The following HSPA12A variants were observed in gnomAD, a reference collection of about 807,000 sequenced individuals.
HSPA12A encodes heat shock 70 kDa protein 12A.
A neutral mutation model predicts 69.2 loss-of-function variants in HSPA12A; 28 were observed. That is an observed-to-expected ratio of 0.40 (90% confidence interval 0.30 to 0.55). The LOEUF (loss-of-function observed/expected upper bound fraction) is 0.55. HSPA12A is among the 20% of genes least tolerant of loss of function. The pLI is 0.38. For missense variants in HSPA12A, 686 were observed against 900.7 expected (o/e 0.76, Z 3.05); for synonymous variants, 345 against 370.5 (o/e 0.93, Z 0.79).
In HSPA12A at chr10:116,717,534, A is replaced by AGTC. The variant is rs376597882; in HGVS notation, c.41-10252_41-10250dup. Among the ~76,000 whole-genome samples, 488 of 152,282 alleles carry AGTC rather than the reference A, an allele frequency of 3.2e-3. 1 individual carries two copies. The highest frequency in any genetic ancestry group is 0.011 in the African/African-American group (465 of 41,554). ...AGAGATGTTAGAGGTACTAGTTCAA[A>AGTC]GTCGGGAAAGCCTGAGCTCAAATCC... On this transcript the variant is annotated intron_variant, in intron 1 of 11. Transcript: ENST00000369209.
At chr10:116,814,454 G>A (rs1435256174) in intron 2 of HSPA12A, among the ~76,000 whole-genome samples, 2 of 152,182 alleles carry the variant, frequency 1.3e-5, no homozygotes, top group Non-Finnish European at 2.9e-5. Flanking sequence ...AGCCACATCT[G>A]CTACCTACAC....
At chr10:116,748,994 T>G (rs1221420582) in intron 2 of HSPA12A, among the ~76,000 whole-genome samples, 1 of 152,086 alleles carries the variant, frequency 6.6e-6, no homozygotes, top group Non-Finnish European at 1.5e-5. Flanking sequence ...CTCCTCTCCC[T>G]TCCTCACCCC....
chr10:116,775,305 G>A (rs1251845617), intron 2 of HSPA12A, among the ~76,000 whole-genome samples: 2 of 152,194 alleles, frequency 1.3e-5, no homozygotes, highest in Non-Finnish European at 2.9e-5. Flanking sequence ...GGGCCACATA[G>A]CCAGTGAGAC....
At chr10:116,683,047 G>A (rs1443264306) in intron 7 of HSPA12A, among the ~76,000 whole-genome samples, 2 of 151,660 alleles carry the variant, frequency 1.3e-5, no homozygotes, top group African/African-American at 4.9e-5. Context: ...TTAGACCTTA[G>A]GCCCTCGTGC....
intron 2 of HSPA12A, among the ~76,000 whole-genome samples, chr10:116,782,392 C>A (rs1161125747): frequency 6.6e-6 from 1 of 152,158 alleles, no homozygotes; most frequent in South Asian, 2.1e-4. Flanking sequence ...CCCAAGCCTG[C>A]GTATATGACA....
At position 116,723,546 on chromosome 10, in the gene HSPA12A, A is replaced by G. The variant is rs1554884666; in HGVS notation, c.41-16261T>C. Among the ~76,000 whole-genome samples, 1 of 152,154 alleles carries G rather than the reference A, an allele frequency of 6.6e-6. No homozygotes were observed. Among genetic ancestry groups the G allele is most frequent in the Non-Finnish European group, 1.5e-5 (1 of 68,014 alleles). ...TCCACAAGTACGTACCAGGCTAACA[A>G]CTGTCTCTCTCACAGGGCTGCTGTG... On this transcript the variant is annotated intron_variant, in intron 1 of 11. Transcript: ENST00000369209. This position sits in a 1 kb window ranked among gnomAD's most constrained non-coding sequence, Gnocchi z 4.1.
intron 1 of HSPA12A, among the ~76,000 whole-genome samples, chr10:116,732,279 A>C (rs1851175772): frequency 6.7e-6 from 1 of 149,516 alleles, no homozygotes; most frequent in South Asian, 2.1e-4. Flanking sequence ...GCAGTGAGCC[A>C]AGATCACCCT....
In HSPA12A at chr10:116,791,923, T is replaced by C. The variant is rs1416516987; in HGVS notation, c.91+43012A>G. Among the ~76,000 whole-genome samples the C allele has an allele frequency of 2.0e-5, 3 of 152,206 alleles. No homozygotes were observed. In the East Asian group the frequency reaches 5.8e-4, roughly 29 times the overall value. ...CAAAGTTCCAAGCTTATCGATTAGC[T>C]GGGCAAAAAGATGCCAATTCATCCT... On this transcript the variant is annotated intron_variant, in intron 2 of 12. Transcript: ENST00000635765.
intron 1 of HSPA12A, among the ~76,000 whole-genome samples, chr10:116,841,028 G>GCA (rs566859956): frequency 2.6e-5 from 4 of 151,764 alleles, no homozygotes; most frequent in African/African-American, 9.7e-5. Context: ...GTATCTCTAG[G>GCA]CACACACACA....
Position 116,676,427 on chromosome 10 carries a change from C to T in HSPA12A, c.1362G>A (p.Pro454=), listed in dbSNP as rs782557265. The T allele has an allele frequency of 1.1e-5, 18 of 1,613,912 alleles. No homozygotes were observed. Among genetic ancestry groups the T allele is most frequent in the Admixed American group, 8.3e-5 (5 of 60,020 alleles). ...GATGCTCAATGATGCTATCGATGGT[C>T]GGCTTAAAAAGGGCGTTCATGGCAT... is the stretch of plus-strand genomic sequence containing the variant. ...SPDAMNALFK[P]TIDSIIEHLR... Residue 454 remains proline (P), a synonymous_variant, in exon 11 of 12, where the codon CCG becomes CCA. Coordinates refer to ENST00000369209, the MANE Select transcript of HSPA12A (RefSeq NM_025015.3).
chr10:116,778,470 C>T (rs1188723238), intron 2 of HSPA12A, among the ~76,000 whole-genome samples: 1 of 152,166 alleles, frequency 6.6e-6, no homozygotes, highest in Non-Finnish European at 1.5e-5. Flanking sequence ...GGGCTGTGGT[C>T]CCTCCCTCAG....
chr10:116,793,859 A>G (rs1301856763), intron 2 of HSPA12A, among the ~76,000 whole-genome samples: 2 of 152,104 alleles, frequency 1.3e-5, no homozygotes, highest in African/African-American at 2.4e-5. Context: ...AAAGCATAAA[A>G]TGAGATGGCA....
At chr10:116,802,700 C>G (rs1364283432) in intron 2 of HSPA12A, among the ~76,000 whole-genome samples, 1 of 152,174 alleles carries the variant, frequency 6.6e-6, no homozygotes, top group Non-Finnish European at 1.5e-5. Flanking sequence ...GCAGCTTATC[C>G]CAGAAGGCCA....
At chr10:116,687,995 AT>A (rs538857128) in intron 6 of HSPA12A, among the ~76,000 whole-genome samples, 42 of 149,392 alleles carry the variant, frequency 2.8e-4, no homozygotes, top group African/African-American at 7.8e-4. Flanking sequence ...TTTTTTTGCG[AT>A]TTTTTTTTTA....
intron 2 of HSPA12A, among the ~76,000 whole-genome samples, chr10:116,773,680 T>A (rs1469193736): frequency 1.3e-5 from 2 of 152,282 alleles, no homozygotes; most frequent in Admixed American, 1.3e-4. Flanking sequence ...CCTGAGAAAG[T>A]CTTTCTCACT....
chr10:116,677,470 C>T (rs1849273521), intron 10 of HSPA12A, among the ~76,000 whole-genome samples: 1 of 152,318 alleles, frequency 6.6e-6, no homozygotes, highest in African/African-American at 2.4e-5. Context: ...CTGGCTGCAG[C>T]CTGTTTCTTA....
intron 7 of HSPA12A, chr10:116,683,520 C>T (rs939426493): frequency 1.2e-4 from 38 of 329,490 alleles, no homozygotes; most frequent in Admixed American, 1.8e-4. Flanking sequence ...AATAACCGCT[C>T]TCAGGCTACC....
intron 2 of HSPA12A, among the ~76,000 whole-genome samples, chr10:116,802,562 A>G (rs1844979522): frequency 1.3e-5 from 2 of 152,142 alleles, no homozygotes; most frequent in Non-Finnish European, 2.9e-5. Context: ...AATACATTAC[A>G]ATGAGAATGT....
At chr10:116,681,355 A>C in intron 8 of HSPA12A, 99 bp from the exon 9 acceptor site, 1 of 867,594 alleles carries the variant, frequency 1.2e-6, no homozygotes, top group Non-Finnish European at 1.9e-6. Context: ...AAGTGCCCTC[A>C]AAACTTCTCA....
Sources: allele counts gnomAD v4.1 joint callset (sites outside exome capture counted in the v4.1 genomes callset), GRCh38; gene constraint gnomAD v4.1.1; non-coding constraint Gnocchi (gnomAD v3.1); transcripts MANE v1.5; gene names NCBI Gene and HGNC (gene_info 2026-07-23, HGNC 2026-07-21).